SKIL: variants seen among roughly 807,000 people sequenced by gnomAD.
The protein encoded by SKIL is ski-like protein.
In SKIL, 20 loss-of-function variants were observed where a neutral mutation model predicts 69.6. The ratio of observed to expected loss-of-function variants is 0.29; its 90% CI spans 0.20 to 0.42. The LOEUF is 0.42. SKIL is among the 10% of genes least tolerant of loss of function. The pLI is 1.00. For missense variants in SKIL, 745 were observed against 783.1 expected (o/e 0.95, Z 0.58); for synonymous variants, 310 against 279.9 (o/e 1.11, Z -1.08).
At chr3:170,358,843 C>T (rs1386847026) in intron 1 of SKIL, among the ~76,000 whole-genome samples, 5 of 152,290 alleles carry the variant, frequency 3.3e-5, no homozygotes, top group Admixed American at 3.3e-4. Flanking sequence ...GGCGTGGAGT[C>T]TATAGCTTTT....
At chr3:170,378,928 G>A (rs560805362) in intron 2 of SKIL, among the ~76,000 whole-genome samples, 1 of 151,972 alleles carries the variant, frequency 6.6e-6, no homozygotes, top group South Asian at 2.1e-4. Context: ...CCAGGCTGGA[G>A]TGCGGTGGTG....
chr3:170,360,306 T>C lies in SKIL; in HGVS notation c.-26T>C, dbSNP rs371873480. 4.0e-6 allele frequency: 6 copies of C among 1,517,280 alleles called. No homozygotes were observed. The highest frequency in any genetic ancestry group is 5.3e-6 in the Non-Finnish European group (6 of 1,136,560). The allele number at this position is 1,517,280 out of a possible 1,614,324, so 94.0% of individuals were successfully genotyped here. On this transcript the variant is annotated 5_prime_UTR_variant, in exon 2 of 7. Transcript: ENST00000259119. The stretch of plus-strand genomic sequence containing the variant: ...CTAAATAGAAATGCTAATCTCAGAC[T>C]TAATTATTTAACAGAAGAGTGTACC...
intron 2 of SKIL, among the ~76,000 whole-genome samples, chr3:170,376,206 C>T (rs1737025243): frequency 6.6e-6 from 1 of 151,760 alleles, no homozygotes; most frequent in South Asian, 2.1e-4. Context: ...CACCACCATG[C>T]CCAGCTAATT....
At chr3:170,379,478 G>GT (rs1553854059) in intron 2 of SKIL, among the ~76,000 whole-genome samples, 2 of 59,242 alleles carry the variant, frequency 3.4e-5, no homozygotes, top group South Asian at 9.0e-4. Flanking sequence ...AGTGAGTCTT[G>GT]CCCCCCCTTT....
At chr3:170,367,265 C>T (rs775947407) in intron 2 of SKIL, among the ~76,000 whole-genome samples, 24 of 151,918 alleles carry the variant, frequency 1.6e-4, no homozygotes, top group African/African-American at 5.6e-4. Flanking sequence ...CCCATCACCA[C>T]GCCTGGCTAA....
intron 1 of SKIL, among the ~76,000 whole-genome samples, chr3:170,359,046 G>A (rs1736083157): frequency 6.6e-6 from 1 of 152,130 alleles, no homozygotes; most frequent in Non-Finnish European, 1.5e-5. Context: ...TTTTAAATAG[G>A]AGATGAAGTA....
At chr3:170,365,998 C>T (rs1736489745) in intron 2 of SKIL, among the ~76,000 whole-genome samples, 1 of 151,572 alleles carries the variant, frequency 6.6e-6, no homozygotes, top group South Asian at 2.1e-4. Context: ...TCAGATGATC[C>T]ACCTGCCTCG....
chr3:170,381,269 T>C lies in SKIL; in HGVS notation c.1124T>C (p.Leu375Ser). ...SKTDAPSGME[L>S]QSWYPVIKQE... is the part of the protein sequence containing the mutation. ...ACAGATGCACCATCAGGAATGGAAT[T>C]ACAGTCATGGTATCCTGTTATAAAG... The change falls in exon 3 of 7, where the codon TTA (leucine) becomes TCA (serine). Residue 375 changes from leucine (L) to serine (S), a missense_variant. By Grantham distance (145) the Leu-to-Ser change is moderately radical (BLOSUM62 -2). Coordinates refer to ENST00000259119, the MANE Select transcript of SKIL (RefSeq NM_005414.5). 1.3e-6 allele frequency: 2 copies of C among 1,591,966 alleles called. No individual in the cohort carries two copies. Among genetic ancestry groups the C allele is most frequent in the Non-Finnish European group, 1.7e-6 (2 of 1,159,864 alleles).
At chr3:170,364,337 T>G (rs1362915439) in intron 2 of SKIL, among the ~76,000 whole-genome samples, 2 of 51,266 alleles carry the variant, frequency 3.9e-5, no homozygotes, top group Non-Finnish European at 8.5e-5. Context: ...TTTTTTTTTT[T>G]TTTGAGACAG....
In SKIL at chr3:170,392,320, A is replaced by G; in HGVS notation, c.1958A>G (p.Glu653Gly). ...GCCGATAGGCAAGAACTCCAAGATG[A>G]ACTCAGACAGGAACGGGAAGCAAGA... is the stretch of plus-strand genomic sequence containing the variant. Reference protein sequence around the residue: ...AEADRQELQDELRQEREARQK... With the variant: ...AEADRQELQDGLRQEREARQK... Residue 653 changes from glutamate to glycine, a missense_variant, in exon 7 of 7, where the codon GAA (glutamate) becomes GGA (glycine). By Grantham distance (98) the Glu-to-Gly change is moderately conservative (BLOSUM62 -2). Transcript: ENST00000259119. 6.2e-7 allele frequency: 1 copy of G among 1,613,582 alleles called. No individual in the cohort carries two copies. The highest frequency in any genetic ancestry group is 2.2e-5 in the East Asian group (1 of 44,860).
intron 3 of SKIL, among the ~76,000 whole-genome samples, chr3:170,383,292 A>G (rs1378643428): frequency 6.6e-6 from 1 of 152,074 alleles, no homozygotes; most frequent in Non-Finnish European, 1.5e-5. Flanking sequence ...AAACCTGTCA[A>G]TTTTCTTGTC....
rs540320061 is a variant in SKIL, at chr3:170,392,630, T to A, written c.*213T>A. The A allele has an allele frequency of 3.6e-4, 120 of 328,830 alleles. No homozygotes were observed. The highest frequency in any genetic ancestry group is 5.6e-4 in the South Asian group (6 of 10,638). The allele number at this position is 328,830 out of a possible 1,614,324, so 20.4% of individuals were successfully genotyped here. On this transcript the variant is annotated 3_prime_UTR_variant, in exon 7 of 7. Coordinates refer to ENST00000259119, the MANE Select transcript of SKIL (RefSeq NM_005414.5). ...AAATGTATGTTTCTTTGTACTTTTT[T>A]AAAAAAATCAGCTTAGTAACAATAC...
intron 4 of SKIL, 33 bp from the exon 5 acceptor site, chr3:170,390,190 C>A: frequency 1.3e-6 from 2 of 1,510,300 alleles, no homozygotes; most frequent in Non-Finnish European, 1.8e-6. Context: ...GAGTGATATT[C>A]ATACTTTGTT....
intron 2 of SKIL, among the ~76,000 whole-genome samples, chr3:170,365,848 T>A (rs868353557): frequency 1.3e-5 from 2 of 149,838 alleles, no homozygotes; most frequent in Middle Eastern, 6.8e-3. Context: ...CTCCGCCTCC[T>A]GGATTCAAGC....
chr3:170,389,862 C>A (rs1737822795), intron 4 of SKIL, among the ~76,000 whole-genome samples: 1 of 152,102 alleles, frequency 6.6e-6, no homozygotes, highest in South Asian at 2.1e-4. Flanking sequence ...GGGTTTGTTG[C>A]ATTTCCATAT....
intron 1 of SKIL, among the ~76,000 whole-genome samples, chr3:170,359,011 T>A (rs772635171): frequency 1.3e-5 from 2 of 152,238 alleles, no homozygotes; most frequent in Non-Finnish European, 2.9e-5. Flanking sequence ...CTATCTGATT[T>A]TTTTGGATGA....
chr3:170,359,264 A>G (rs769438237), intron 1 of SKIL, among the ~76,000 whole-genome samples: 2 of 152,246 alleles, frequency 1.3e-5, no homozygotes, highest in Non-Finnish European at 1.5e-5. Context: ...AAATCACTCA[A>G]GCTTCACCTT....
Position 170,390,285 on chromosome 3 carries a change from G to A in SKIL, c.1492G>A (p.Val498Ile), listed in dbSNP as rs1737848859. 6.2e-7 allele frequency: 1 copy of A among 1,613,224 alleles called. No homozygotes were observed. The highest frequency in any genetic ancestry group is 1.7e-5 in the Admixed American group (1 of 59,980). ...ATCTGAGTCTGCCACTTGCAACTTA[G>A]TCAGAGACATAAACAAAGTGGGAAT... ...RKSESATCNL[V>I]RDINKVGIGL... The change falls in exon 5 of 7, where the codon GTC (valine) becomes ATC (isoleucine). Residue 498 changes from valine (V) to isoleucine (I), a missense_variant. By Grantham distance (29) the Val-to-Ile change is conservative. Transcript: ENST00000259119.
intron 2 of SKIL, among the ~76,000 whole-genome samples, chr3:170,373,152 A>G (rs145781027): frequency 6.6e-6 from 1 of 151,028 alleles, no homozygotes; most frequent in African/African-American, 2.4e-5. Flanking sequence ...GTGCACCACC[A>G]GGCCCGGCTA....
Sources: allele counts gnomAD v4.1 joint callset (sites outside exome capture counted in the v4.1 genomes callset), GRCh38; gene constraint gnomAD v4.1.1; transcripts MANE v1.5; gene names NCBI Gene and HGNC (gene_info 2026-07-23, HGNC 2026-07-21).